SYNM: variants seen among roughly 807,000 people sequenced by gnomAD.
SYNM encodes the protein synemin.
Under a neutral mutation model 104.0 loss-of-function variants are expected in SYNM, and 95 were observed. That is an observed-to-expected ratio of 0.91 (90% CI 0.77 to 1.08). SYNM has a LOEUF of 1.08. SYNM is among the 50% of genes least tolerant of loss of function. SYNM has a pLI of 0.00. For synonymous variants in SYNM, 918 were observed against 869.0 expected (o/e 1.06, Z -0.99); for missense variants, 2,150 against 2,052.2 (o/e 1.05, Z -0.92).
rs148702545 is a variant in SYNM at position 99,122,004 on chromosome 15, G to A, written c.936-4718G>A. 2.1e-3 allele frequency among the ~76,000 whole-genome samples: 323 copies of A among 152,328 alleles called. 2 individuals carry two copies. In the East Asian group the frequency reaches 0.026, roughly 12 times the overall value. ...CCTGAAAGAAAAAATGGAAAGCTGG[G>A]TCAAAATGATTTTTCAGTAGAAAAA... On this transcript the variant is annotated intron_variant, in intron 2 of 3. Transcript: ENST00000336292.
At position 99,133,733 on chromosome 15, in the gene SYNM, G is replaced by C; in HGVS notation, c.*675G>C. 1 of 153,206 alleles carries C rather than the reference G, an allele frequency of 6.5e-6. No homozygotes were observed. Among genetic ancestry groups the C allele is most frequent in the Admixed American group, 6.5e-5 (1 of 15,352 alleles). The allele number at this position is 153,206 out of a possible 1,614,324, so 9.5% of individuals were successfully genotyped here. ...TGTTGTGATATTTCACATTCTATTT[G>C]CACAGGTTCCCTGGCACTGGTAGGG... On this transcript the variant is annotated 3_prime_UTR_variant, in exon 4 of 4. Coordinates refer to ENST00000336292, the MANE Select transcript of SYNM (RefSeq NM_145728.3).
chr15:99,137,826 C>A, downstream of SYNM: 1 of 896,264 alleles, frequency 1.1e-6, no homozygotes, highest in Non-Finnish European at 1.7e-6. Context: ...CCCTGAAGGG[C>A]ATCCACTGTC....
chr15:99,105,888 G>A lies in SYNM; in HGVS notation c.689G>A (p.Cys230Tyr), dbSNP rs1203524814. The A allele has an allele frequency of 1.3e-6, 2 of 1,538,104 alleles. No homozygotes were observed. The highest frequency in any genetic ancestry group is 2.5e-5 in the East Asian group (1 of 40,648). The change falls in exon 1 of 4, where the codon TGC (cysteine) becomes TAC (tyrosine). Residue 230 changes from cysteine to tyrosine, a missense_variant. Coordinates refer to ENST00000336292, the MANE Select transcript of SYNM (RefSeq NM_145728.3). ...RLQAEEETRL[C>Y]AQEAEALRRE... ...CAGGCGGAGGAAGAGACGCGGCTGT[G>A]CGCGCAGGAGGCAGAGGCGCTGCGG...
At chr15:99,138,451 T>C (rs1416619503), downstream of SYNM, among the ~76,000 whole-genome samples, 1 of 152,056 alleles carries the variant, frequency 6.6e-6, no homozygotes, top group Non-Finnish European at 1.5e-5. Flanking sequence ...GTAGCCAGGA[T>C]TACAGGCACA....
rs1427174505 is a variant in SYNM, at chr15:99,105,900, C to T, written c.701C>T (p.Ala234Val). 2.0e-6 allele frequency: 3 copies of T among 1,533,946 alleles called. No individual in the cohort carries two copies. The highest frequency in any genetic ancestry group is 5.0e-5 in the East Asian group (2 of 40,402). ...EEETRLCAQE[A>V]EALRREALGL... ...GAGACGCGGCTGTGCGCGCAGGAGG[C>T]AGAGGCGCTGCGGCGCGAGGCGCTC... Residue 234 changes from alanine (A) to valine (V), a missense_variant, in exon 1 of 4, where the codon GCA becomes GTA. Ala to Val is a moderately conservative substitution (Grantham distance 64, BLOSUM62 0). Coordinates refer to ENST00000336292, the MANE Select transcript of SYNM (RefSeq NM_145728.3).
Position 99,132,472 on chromosome 15 carries a change from C to T in SYNM, c.4112C>T (p.Thr1371Ile). The T allele has an allele frequency of 6.2e-7, 1 of 1,614,030 alleles. No individual in the cohort carries two copies. The highest frequency in any genetic ancestry group is 1.1e-5 in the South Asian group (1 of 91,090). ...GRQTVMTEKS[T>I]FQSVVSESPQ... ...CAAACCGTTATGACTGAAAAGAGCA[C>T]CTTCCAAAGTGTCGTTTCTGAATCT... is the stretch of plus-strand genomic sequence containing the variant. Residue 1371 changes from threonine to isoleucine, a missense_variant, in exon 4 of 4, where the codon ACC becomes ATC. Physicochemically the swap from Thr to Ile is moderately conservative, Grantham distance 89. Coordinates refer to ENST00000336292, the MANE Select transcript of SYNM (RefSeq NM_145728.3).
At chr15:99,120,114 G>A (rs1423679183) in intron 2 of SYNM, among the ~76,000 whole-genome samples, 3 of 152,170 alleles carry the variant, frequency 2.0e-5, no homozygotes, top group Non-Finnish European at 4.4e-5. Context: ...TACTTAAAAC[G>A]TTACACAACT....
At chr15:99,123,300 C>G (rs1451610158) in intron 2 of SYNM, among the ~76,000 whole-genome samples, 2 of 91,014 alleles carry the variant, frequency 2.2e-5, no homozygotes, top group African/African-American at 1.1e-4. Flanking sequence ...TGTTGATTAT[C>G]TGGTTTTTTT....
rs781980857 is a variant in SYNM at position 99,132,807 on chromosome 15, G to A, written c.4447G>A (p.Gly1483Ser). 10 of 1,613,954 alleles carry A rather than the reference G, an allele frequency of 6.2e-6. No individual in the cohort carries two copies. The highest frequency in any genetic ancestry group is 4.4e-5 in the South Asian group (4 of 91,058). The change falls in exon 4 of 4, where the codon GGT (glycine) becomes AGT (serine). Residue 1483 changes from glycine to serine, a missense_variant. Physicochemically the swap from Gly to Ser is moderately conservative, Grantham distance 56 (BLOSUM62 0). Coordinates refer to ENST00000336292, the MANE Select transcript of SYNM (RefSeq NM_145728.3). Reference protein sequence around the residue: ...RSRTQEAGALGVSDRGSWRDA... With the variant: ...RSRTQEAGALSVSDRGSWRDA... ...CCGGACACAGGAAGCGGGAGCTCTC[G>A]GTGTGTCTGACCGTGGTTCCTGGAG...
intron 2 of SYNM, among the ~76,000 whole-genome samples, chr15:99,119,260 C>A (rs1043596488): frequency 3.3e-5 from 5 of 152,182 alleles, no homozygotes; most frequent in Non-Finnish European, 5.9e-5. Context: ...GGTGGAGAAT[C>A]CCCGGTCCAG....
intron 1 of SYNM, among the ~76,000 whole-genome samples, chr15:99,106,784 C>G (rs1249210009): frequency 1.3e-5 from 2 of 152,268 alleles, no homozygotes; most frequent in Admixed American, 1.3e-4. Context: ...CAGTCCAGCC[C>G]TAGCGTTTGG....
chr15:99,116,833 T>C (rs1332698166), intron 2 of SYNM, among the ~76,000 whole-genome samples: 15 of 143,512 alleles, frequency 1.0e-4, no homozygotes, highest in African/African-American at 3.5e-4. Context: ...CCTGCCACCA[T>C]GCCTGGCTAA....
rs782495064 is a variant in SYNM at position 99,130,879 on chromosome 15, G to A, written c.2519G>A (p.Gly840Glu). ...YFVSTPDEHP[G>E]GHDRDDGSVY... ...GTGTCCACTCCAGATGAACACCCCGGGGGGCACGACAGAGATGACGGCTCG... is the reference window on the plus strand; with the variant it reads ...GTGTCCACTCCAGATGAACACCCCGAGGGGCACGACAGAGATGACGGCTCG... Residue 840 changes from glycine (G) to glutamate (E), a missense_variant, in exon 4 of 4, where the codon GGG becomes GAG. By Grantham distance (98) the Gly-to-Glu change is moderately conservative. Transcript: ENST00000336292. 1 of 1,613,966 alleles carries A rather than the reference G, an allele frequency of 6.2e-7. No individual in the cohort carries two copies. The highest frequency in any genetic ancestry group is 8.5e-7 in the Non-Finnish European group (1 of 1,179,892).
At chr15:99,125,060 C>T (rs140051281) in intron 2 of SYNM, among the ~76,000 whole-genome samples, 9 of 152,306 alleles carry the variant, frequency 5.9e-5, no homozygotes, top group Non-Finnish European at 1.3e-4. Context: ...GTGGGGAAGA[C>T]GTATTTTTCC....
rs782680120 is a variant in SYNM, at chr15:99,126,842, A to G, written c.1006+50A>G. On this transcript the variant is annotated intron_variant, in intron 3 of 3. Transcript: ENST00000336292. ...TTAGCTTTAGGCATCTGAACTGTTT[A>G]TTCTGTGGCTAGATAGTAAAGCACC... The G allele has an allele frequency of 3.3e-6, 5 of 1,501,392 alleles. No individual in the cohort carries two copies. In the South Asian group the frequency reaches 6.3e-5, roughly 19 times the overall value. The allele number at this position is 1,501,392 out of a possible 1,614,324, so 93.0% of individuals were successfully genotyped here.
intron 2 of SYNM, among the ~76,000 whole-genome samples, chr15:99,123,043 T>A (rs1054388359): frequency 3.3e-5 from 5 of 152,154 alleles, no homozygotes; most frequent in African/African-American, 4.8e-5. Context: ...TCGCTGATGT[T>A]TAGTGAGCTC....
rs1555482384 is a variant in SYNM, at chr15:99,105,397, C to T, written c.198C>T (p.Ser66=). ...GQARCAEEAR[S]LRQQLDELSW... ...CCCGCTGCGCCGAGGAGGCGCGCAG[C>T]TTGCGGCAGCAGCTGGACGAGCTGA... The change falls in exon 1 of 4, where the codon AGC becomes AGT. Residue 66 remains serine (S), a synonymous_variant. Coordinates refer to ENST00000336292, the MANE Select transcript of SYNM (RefSeq NM_145728.3). The T allele has an allele frequency of 1.3e-6, 2 of 1,510,538 alleles. No homozygotes were observed. Among genetic ancestry groups the T allele is most frequent in the Non-Finnish European group, 1.8e-6 (2 of 1,136,036 alleles). 93.6% of individuals were successfully genotyped at this position (1,510,538 alleles called of 1,614,324 possible). A position where few individuals can be genotyped will look rare whatever the true frequency, so the allele number is the denominator to read the frequency against.
intron 1 of SYNM, among the ~76,000 whole-genome samples, chr15:99,107,555 TCACAGC>T (rs1382244323): frequency 6.6e-6 from 1 of 152,218 alleles, no homozygotes; most frequent in East Asian, 1.9e-4. Flanking sequence ...CACCATGCGT[TCACAGC>T]CACAGCTCAC....
At chr15:99,125,849 G>A (rs1471327082) in intron 2 of SYNM, among the ~76,000 whole-genome samples, 4 of 152,326 alleles carry the variant, frequency 2.6e-5, no homozygotes, top group East Asian at 3.9e-4. Flanking sequence ...GGGTCTTCGC[G>A]AGTGACTGGC....
Sources: gnomAD v4.1 joint callset for allele counts (sites outside exome capture counted in the v4.1 genomes callset) on GRCh38, gnomAD v4.1.1 for gene constraint, MANE v1.5 for transcripts, NCBI Gene and HGNC (gene_info 2026-07-23, HGNC 2026-07-21) for gene names.